CNTN4: variants seen among roughly 807,000 people sequenced by gnomAD.
The protein encoded by CNTN4 is contactin-4.
Under a neutral mutation model 122.5 loss-of-function variants are expected in CNTN4, and 77 were observed. That is an observed-to-expected ratio of 0.63 (90% confidence interval 0.52 to 0.76). The LOEUF (loss-of-function observed/expected upper bound fraction) is 0.76, where lower values mean the gene tolerates loss of function less well. Among genes scored for constraint, CNTN4 ranks in the 30% least tolerant of loss-of-function variants. The pLI, the probability that CNTN4 is intolerant of heterozygous loss-of-function variation, is 0.00. For synonymous variants in CNTN4, 512 were observed against 447.0 expected, an observed-to-expected ratio of 1.15 and a Z score of -1.83; for missense variants, 1,256 against 1,259.1, an observed-to-expected ratio of 1.00 and a Z score of 0.04.
chr3:2,562,880 C>T (rs1382353373), intron 3 of CNTN4, among the ~76,000 whole-genome samples: 2 of 151,926 alleles, frequency 1.3e-5, no homozygotes, highest in South Asian at 2.1e-4. Context: ...GGAGCCACCA[C>T]GGCTGGCTAA....
chr3:2,826,581 C>G (rs1234750511), intron 7 of CNTN4, among the ~76,000 whole-genome samples: 2 of 152,144 alleles, frequency 1.3e-5, no homozygotes, highest in Non-Finnish European at 2.9e-5. Context: ...GGTCTTGGGC[C>G]AATTATGTAA....
At chr3:2,301,694 A>G (rs560049930) in intron 2 of CNTN4, among the ~76,000 whole-genome samples, 58 of 152,374 alleles carry the variant, frequency 3.8e-4, no homozygotes, top group Admixed American at 1.2e-3. Context: ...TCATTTGAAC[A>G]GCAGTGTGAA....
At chr3:2,716,183 A>AT (rs1375266128) in intron 4 of CNTN4, among the ~76,000 whole-genome samples, 1 of 151,996 alleles carries the variant, frequency 6.6e-6, no homozygotes, top group Non-Finnish European at 1.5e-5. Context: ...CCAGCTGACC[A>AT]TTTTTTAATA....
chr3:2,816,300 G>A (rs1016347784), intron 6 of CNTN4, among the ~76,000 whole-genome samples: 1 of 149,280 alleles, frequency 6.7e-6, no homozygotes, highest in African/African-American at 2.6e-5. Context: ...CTTGCAATGA[G>A]CCGAGATCGT....
chr3:2,813,113 G>A (rs770080098), intron 6 of CNTN4, among the ~76,000 whole-genome samples: 1 of 152,100 alleles, frequency 6.6e-6, no homozygotes, highest in African/African-American at 2.4e-5. Context: ...CACACACACA[G>A]GGAGCAAATG....
intron 4 of CNTN4, among the ~76,000 whole-genome samples, chr3:2,606,044 G>A (rs1310846582): frequency 6.6e-6 from 1 of 152,042 alleles, no homozygotes; most frequent in Non-Finnish European, 1.5e-5. Flanking sequence ...GAATTTGGTG[G>A]GGCAGCACTC....
chr3:2,353,408 T>C (rs943537961), intron 3 of CNTN4, among the ~76,000 whole-genome samples: 2 of 152,176 alleles, frequency 1.3e-5, no homozygotes, highest in African/African-American at 4.8e-5. Flanking sequence ...CAACCGGGTC[T>C]GGTCCCCTTC....
intron 12 of CNTN4, among the ~76,000 whole-genome samples, chr3:2,916,375 G>T (rs1361457023): frequency 6.7e-6 from 1 of 148,838 alleles, no homozygotes; most frequent in Non-Finnish European, 1.5e-5. Context: ...GTGTCCCTGG[G>T]TACTTGAGAT....
At chr3:3,008,160 G>C (rs893790617) in intron 14 of CNTN4, among the ~76,000 whole-genome samples, 4 of 151,680 alleles carry the variant, frequency 2.6e-5, no homozygotes, top group Non-Finnish European at 5.9e-5. Flanking sequence ...ATTCTTGGGA[G>C]GGATAATTTT....
intron 3 of CNTN4, among the ~76,000 whole-genome samples, chr3:2,383,932 G>C (rs112587131): frequency 1.3e-5 from 2 of 152,066 alleles, no homozygotes; most frequent in African/African-American, 4.8e-5. Context: ...AAACCATTAA[G>C]TTGGAGACCT....
intron 12 of CNTN4, among the ~76,000 whole-genome samples, chr3:2,904,353 C>T (rs2094206665): frequency 6.6e-6 from 1 of 152,122 alleles, no homozygotes; most frequent in Non-Finnish European, 1.5e-5. Context: ...AGTAAATGTT[C>T]TCAAGTAGAA....
Position 2,887,104 on chromosome 3 carries a change from C to G in CNTN4, c.820C>G (p.His274Asp), listed in dbSNP as rs2093987792. The G allele has an allele frequency of 1.9e-6, 3 of 1,614,126 alleles. No individual in the cohort carries two copies. Among genetic ancestry groups the G allele is most frequent in the Non-Finnish European group, 1.7e-6 (2 of 1,180,002 alleles). ...GCCAATAGCAAGGAAAGCCAGAAGA[C>G]ACAAGTCAAATGGAATTCTTGAGAT... ...GKPIARKARR[H>D]KSNGILEIPN... Residue 274 changes from histidine to aspartate, a missense_variant, in exon 10 of 25, where the codon CAC becomes GAC. His to Asp is a moderately conservative substitution (Grantham distance 81). Transcript: ENST00000418658.
At chr3:2,449,167 C>G (rs1159535504) in intron 3 of CNTN4, among the ~76,000 whole-genome samples, 2 of 152,056 alleles carry the variant, frequency 1.3e-5, no homozygotes, top group Non-Finnish European at 2.9e-5. Flanking sequence ...ATTTAAAAGA[C>G]AGAAAAATAA....
At chr3:2,370,980 T>C (rs1276744041) in intron 3 of CNTN4, among the ~76,000 whole-genome samples, 1 of 152,220 alleles carries the variant, frequency 6.6e-6, no homozygotes, top group Non-Finnish European at 1.5e-5. Flanking sequence ...AGTTCTTGCA[T>C]TGCTTGGCAA....
chr3:2,833,111 A>G (rs2093138227), intron 7 of CNTN4, among the ~76,000 whole-genome samples: 1 of 152,220 alleles, frequency 6.6e-6, no homozygotes, highest in Non-Finnish European at 1.5e-5. Context: ...CTTTGGAAGG[A>G]ACGCCTTAAG....
intron 23 of CNTN4, among the ~76,000 whole-genome samples, chr3:3,045,060 G>A (rs180825306): frequency 2.0e-5 from 3 of 152,176 alleles, no homozygotes; most frequent in Non-Finnish European, 4.4e-5. Flanking sequence ...GTCTGAGATC[G>A]AACTGCAAGG....
chr3:2,853,933 T>C (rs530561778), intron 7 of CNTN4, among the ~76,000 whole-genome samples: 28 of 152,136 alleles, frequency 1.8e-4, no homozygotes, highest in African/African-American at 5.6e-4. Flanking sequence ...CAAAAACCAA[T>C]TGACGAAGCA....
chr3:2,138,389 G>C (rs894784682), intron 2 of CNTN4, among the ~76,000 whole-genome samples: 3 of 152,052 alleles, frequency 2.0e-5, no homozygotes, highest in Non-Finnish European at 4.4e-5. Flanking sequence ...TCTTATAGTG[G>C]GGGGTATCTA....
intron 7 of CNTN4, among the ~76,000 whole-genome samples, chr3:2,821,220 G>A (rs2092863571): frequency 6.6e-6 from 1 of 152,062 alleles, no homozygotes; most frequent in African/African-American, 2.4e-5. Context: ...GCCTCCCAAA[G>A]TGCTGGGATT....
Sources: allele counts gnomAD v4.1 joint callset (sites outside exome capture counted in the v4.1 genomes callset), GRCh38; gene constraint gnomAD v4.1.1; transcripts MANE v1.5; gene names NCBI Gene and HGNC (gene_info 2026-07-23, HGNC 2026-07-21).